The following ZMIZ1 variants were observed in gnomAD, a reference collection of about 807,000 sequenced individuals.
ZMIZ1 encodes the protein zinc finger MIZ domain-containing protein 1.
ZMIZ1 carries 17 observed loss-of-function variants against 113.9 expected under a neutral mutation model. The ratio of observed to expected loss-of-function variants is 0.15; its 90% CI spans 0.10 to 0.22. ZMIZ1 has a LOEUF of 0.22. ZMIZ1 is among the 10% of genes least tolerant of loss of function. The pLI is 1.00. For synonymous variants in ZMIZ1, 607 were observed against 603.1 expected (o/e 1.01, Z -0.09); for missense variants, 1,059 against 1,477.8 (o/e 0.72, Z 4.65).
At chr10:79,300,464 G>A (rs1208196223) in intron 16 of ZMIZ1, among the ~76,000 whole-genome samples, 1 of 152,216 alleles carries the variant, frequency 6.6e-6, no homozygotes, top group Non-Finnish European at 1.5e-5. Context: ...CCTACAGGGA[G>A]GACATTCCAG....
rs1848412739 is a variant in ZMIZ1 at position 79,208,297 on chromosome 10, C to T, written c.61-39C>T. 1.9e-6 allele frequency: 3 copies of T among 1,586,660 alleles called. No homozygotes were observed. In the South Asian group the frequency reaches 3.3e-5, roughly 18 times the overall value. On this transcript the variant is annotated intron_variant, in intron 5 of 24. Coordinates refer to ENST00000334512, the MANE Select transcript of ZMIZ1 (RefSeq NM_020338.4). ...CCACACGCTGCCTGTGCTACCCTCA[C>T]TCTTGGAGCCTCAGCCGCCTCCTTT... is the stretch of plus-strand genomic sequence containing the variant.
chr10:79,305,656 G>C (rs1465413626), intron 21 of ZMIZ1, 55 bp downstream of exon 21: 9 of 1,567,258 alleles, frequency 5.7e-6, no homozygotes, highest in Non-Finnish European at 7.9e-6. Flanking sequence ...GCCTGGATTA[G>C]AGCAAGGTGA....
At chr10:79,227,531 T>C (rs1222998935) in intron 7 of ZMIZ1, among the ~76,000 whole-genome samples, 3 of 152,174 alleles carry the variant, frequency 2.0e-5, no homozygotes, top group Non-Finnish European at 4.4e-5. Flanking sequence ...GTTCTCTCGT[T>C]TGACAAAAGG....
chr10:79,298,733 G>T (rs950904391), intron 15 of ZMIZ1, among the ~76,000 whole-genome samples, 153 bp downstream of exon 15: 2 of 152,328 alleles, frequency 1.3e-5, no homozygotes, highest in Middle Eastern at 3.4e-3. Flanking sequence ...ACTCAAGGCG[G>T]GGTAGGCAGC....
chr10:79,293,047 C>T (rs1400474701), intron 11 of ZMIZ1, among the ~76,000 whole-genome samples: 1 of 152,122 alleles, frequency 6.6e-6, no homozygotes, highest in African/African-American at 2.4e-5. Flanking sequence ...CCCTCCCATA[C>T]CCCTCCCTGT....
intron 2 of ZMIZ1, among the ~76,000 whole-genome samples, chr10:79,130,471 G>T (rs933223058): frequency 1.3e-5 from 2 of 152,226 alleles, no homozygotes; most frequent in Non-Finnish European, 2.9e-5. Context: ...AATGGATGCA[G>T]TGCCCCTGCC....
chr10:79,262,369 TG>T (rs1301429053), intron 7 of ZMIZ1, among the ~76,000 whole-genome samples: 1 of 152,252 alleles, frequency 6.6e-6, no homozygotes, highest in South Asian at 2.1e-4. Flanking sequence ...TTCTAATGCA[TG>T]GGCAAGATTG....
rs1853468923 is a variant in ZMIZ1, at chr10:79,291,147, C to T, written c.729C>T (p.Asn243=). Residue 243 remains asparagine (N), a synonymous_variant, in exon 10 of 25, where the codon AAC becomes AAT. Transcript: ENST00000334512. ...AGCAGAGCATGTATGGCCGGCCCAA[C>T]TACCCCGGCAGCGGGGGCTTTGGGG... ...YIQQSMYGRP[N]YPGSGGFGAS... is the part of the protein sequence containing the mutation. The T allele has an allele frequency of 6.2e-6, 10 of 1,612,022 alleles. No homozygotes were observed. The highest frequency in any genetic ancestry group is 3.3e-4 in the Middle Eastern group (2 of 6,050).
intron 7 of ZMIZ1, among the ~76,000 whole-genome samples, chr10:79,217,604 T>C (rs1848790547): frequency 6.6e-6 from 1 of 152,242 alleles, no homozygotes; most frequent in Non-Finnish European, 1.5e-5. Flanking sequence ...GGAGTGTATA[T>C]AGACACAGCC....
chr10:79,193,587 G>A (rs760572697), intron 4 of ZMIZ1, among the ~76,000 whole-genome samples: 3 of 152,174 alleles, frequency 2.0e-5, no homozygotes, highest in Non-Finnish European at 2.9e-5. Context: ...TAGACTAAGG[G>A]ATCTGTAACT....
chr10:79,278,455 T>C (rs1472674520), intron 8 of ZMIZ1, among the ~76,000 whole-genome samples: 2 of 151,924 alleles, frequency 1.3e-5, no homozygotes, highest in Non-Finnish European at 2.9e-5. Flanking sequence ...TTTTTTAGTA[T>C]TTATTGATCA....
chr10:79,274,048 A>C (rs1354623180), intron 7 of ZMIZ1, among the ~76,000 whole-genome samples: 2 of 151,664 alleles, frequency 1.3e-5, no homozygotes, highest in Non-Finnish European at 3.0e-5. Flanking sequence ...CCTCTGTGTA[A>C]AAAGGGGCCT....
Position 79,293,491 on chromosome 10 carries a change from G to A in ZMIZ1, c.1068G>A (p.Thr356=), listed in dbSNP as rs146995829. 0.011 allele frequency: 16,837 copies of A among 1,583,880 alleles called. 111 individuals are homozygous for A. Among genetic ancestry groups the A allele is most frequent in the Non-Finnish European group, 0.012 (13,948 of 1,161,868 alleles). ...MNPASMAAGM[T]PSGMSGPPMG... Reference sequence around the variant, plus strand: ...CCGCGAGCATGGCGGCTGGCATGACGCCCTCGGGGATGAGCGGCCCTCCCA... The same window carrying A: ...CCGCGAGCATGGCGGCTGGCATGACACCCTCGGGGATGAGCGGCCCTCCCA... The change falls in exon 12 of 25, where the codon ACG becomes ACA. Residue 356 remains threonine, a synonymous_variant. Coordinates refer to ENST00000334512, the MANE Select transcript of ZMIZ1 (RefSeq NM_020338.4).
chr10:79,172,768 C>A (rs149822604), intron 4 of ZMIZ1, among the ~76,000 whole-genome samples: 9 of 152,326 alleles, frequency 5.9e-5, no homozygotes, highest in Admixed American at 3.3e-4. Context: ...TCCAAAAAAT[C>A]ATTTTAAGTT....
At chr10:79,189,079 G>T (rs1354539582) in intron 4 of ZMIZ1, among the ~76,000 whole-genome samples, 2 of 152,150 alleles carry the variant, frequency 1.3e-5, no homozygotes, top group African/African-American at 4.8e-5. Flanking sequence ...GACTTCATCT[G>T]GGCATCGAGG....
chr10:79,196,199 C>T (rs1203284924), intron 4 of ZMIZ1, among the ~76,000 whole-genome samples: 5 of 152,180 alleles, frequency 3.3e-5, no homozygotes, highest in Admixed American at 1.3e-4. Flanking sequence ...CTCCATAATC[C>T]GCTAGCCATT....
intron 7 of ZMIZ1, among the ~76,000 whole-genome samples, chr10:79,218,654 GAAAAGT>G (rs56270130): frequency 0.2 from 29,535 of 151,284 alleles, 4,084 homozygotes; most frequent in African/African-American, 0.39. Flanking sequence ...TGCCTTGAAG[GAAAAGT>G]AAAAGTGAAG....
intron 3 of ZMIZ1, among the ~76,000 whole-genome samples, chr10:79,148,596 C>T (rs867896839): frequency 1.3e-5 from 2 of 152,164 alleles, no homozygotes; most frequent in Non-Finnish European, 2.9e-5. Flanking sequence ...CTGAGGGTGA[C>T]GCAGATCCGC....
Position 79,200,156 on chromosome 10 carries a change from C to T in ZMIZ1, c.-49-1428C>T, listed in dbSNP as rs1044167148. ...GATGAGGGGTCTTTAGTGGGGAGTGCGACAGAGTAGCAGGGAAGGCTTAGG... is the reference window on the plus strand; with the variant it reads ...GATGAGGGGTCTTTAGTGGGGAGTGTGACAGAGTAGCAGGGAAGGCTTAGG... On this transcript the variant is annotated intron_variant, in intron 4 of 24. Transcript: ENST00000334512. Among the ~76,000 whole-genome samples, 7 of 152,280 alleles carry T rather than the reference C, an allele frequency of 4.6e-5. No individual in the cohort carries two copies. The East Asian group carries it at 7.7e-4, about 17-fold the overall frequency.
Sources: allele counts gnomAD v4.1 joint callset (sites outside exome capture counted in the v4.1 genomes callset), GRCh38; gene constraint gnomAD v4.1.1; transcripts MANE v1.5; gene names NCBI Gene and HGNC (gene_info 2026-07-23, HGNC 2026-07-21).